Variants in PACRG observed in about 807,000 individuals in gnomAD.
The protein encoded by PACRG is parkin coregulated gene protein.
Under a neutral mutation model 29.7 loss-of-function variants are expected in PACRG, and 29 were observed. That is an observed-to-expected ratio of 0.98 (90% CI 0.73 to 1.33). The LOEUF is 1.33. Among genes scored for constraint, PACRG ranks in the 40% most tolerant of loss-of-function variants. PACRG has a pLI of 0.00. For synonymous variants in PACRG, 116 were observed against 118.7 expected, an observed-to-expected ratio of 0.98 and a Z score of 0.15; for missense variants, 279 against 316.2, an observed-to-expected ratio of 0.88 and a Z score of 0.89.
At chr6:162,886,083 C>A (rs938107698) in intron 2 of PACRG, among the ~76,000 whole-genome samples, 3 of 152,034 alleles carry the variant, frequency 2.0e-5, no homozygotes, top group Admixed American at 6.6e-5. Context: ...GATTATCATG[C>A]CCAACTAATT....
chr6:163,257,367 T>C (rs1783153803), intron 4 of PACRG, among the ~76,000 whole-genome samples: 2 of 152,140 alleles, frequency 1.3e-5, no homozygotes, highest in Admixed American at 6.5e-5. Flanking sequence ...GGAAAGACTA[T>C]ACCAGTTATC....
rs573768413 is a variant in PACRG, at chr6:162,804,108, G to A, written c.157-10039G>A. On this transcript the variant is annotated intron_variant, in intron 1 of 4. Transcript: ENST00000366888. ...AAGGACATAAAAATGTAAAAATATG[G>A]TATCTGCAGTGCTATGTTTTTGAAA... Among the ~76,000 whole-genome samples the A allele has an allele frequency of 2.4e-4, 36 of 152,216 alleles. 1 individual carries two copies. The South Asian group carries it at 4.8e-3, about 20-fold the overall frequency.
chr6:162,928,346 G>T (rs1369114974), intron 2 of PACRG, among the ~76,000 whole-genome samples: 1 of 151,730 alleles, frequency 6.6e-6, no homozygotes. Context: ...TATTTCTGTG[G>T]TCTCAGTTGT....
intron 4 of PACRG, among the ~76,000 whole-genome samples, chr6:163,199,994 T>C (rs931853399): frequency 6.6e-6 from 1 of 152,218 alleles, no homozygotes; most frequent in Non-Finnish European, 1.5e-5. Context: ...GGCACTATAG[T>C]GTATTTATCT....
chr6:163,017,344 G>A (rs776203458), intron 2 of PACRG, among the ~76,000 whole-genome samples: 1 of 152,078 alleles, frequency 6.6e-6, no homozygotes, highest in Non-Finnish European at 1.5e-5. Context: ...TGCTAACAAA[G>A]CTATTAGCAA....
At chr6:163,116,824 G>T (rs1298458004) in intron 4 of PACRG, among the ~76,000 whole-genome samples, 1 of 152,286 alleles carries the variant, frequency 6.6e-6, no homozygotes, top group East Asian at 1.9e-4. Context: ...TGACTGAGAA[G>T]CTTGGGTGTT....
At chr6:163,056,699 T>C (rs182888001) in intron 2 of PACRG, among the ~76,000 whole-genome samples, 2 of 152,254 alleles carry the variant, frequency 1.3e-5, no homozygotes, top group Admixed American at 1.3e-4. Flanking sequence ...GGTGCTCTTA[T>C]ACGAGGAGGA....
chr6:163,270,580 C>T (rs1300708150), intron 4 of PACRG, among the ~76,000 whole-genome samples: 1 of 151,974 alleles, frequency 6.6e-6, no homozygotes, highest in Non-Finnish European at 1.5e-5. Context: ...CACCATATTG[C>T]CCAGGCTGGT....
At chr6:163,098,715 T>C (rs1318272624) in intron 4 of PACRG, among the ~76,000 whole-genome samples, 1 of 152,092 alleles carries the variant, frequency 6.6e-6, no homozygotes, top group Admixed American at 6.5e-5. Flanking sequence ...ATTAAGAAAG[T>C]AAAGGAATAA....
At chr6:162,893,317 T>C (rs948145974) in intron 2 of PACRG, among the ~76,000 whole-genome samples, 5 of 152,080 alleles carry the variant, frequency 3.3e-5, no homozygotes, top group African/African-American at 9.7e-5. Context: ...TCGGCTCGAC[T>C]GGCAGTGTGG....
chr6:162,952,416 T>G (rs1280236662), intron 2 of PACRG, among the ~76,000 whole-genome samples: 3 of 152,196 alleles, frequency 2.0e-5, no homozygotes, highest in Non-Finnish European at 4.4e-5. Context: ...TAAAAGAATC[T>G]TCCATCAGAA....
chr6:162,946,803 G>A (rs544753666), intron 2 of PACRG, among the ~76,000 whole-genome samples: 8 of 152,208 alleles, frequency 5.3e-5, no homozygotes, highest in African/African-American at 1.9e-4. Context: ...TTATCCCGGG[G>A]ATGAAAGGAT....
At chr6:162,958,874 TATATATATATAGAGAGAGAG>T (rs1415731700) in intron 2 of PACRG, among the ~76,000 whole-genome samples, 58 of 44,810 alleles carry the variant, frequency 1.3e-3, no homozygotes, top group African/African-American at 3.8e-3. Flanking sequence ...TATATATATA[TATATATATATAGAGAGAGAG>T]AGAGAGAGAG....
chr6:162,945,156 A>G (rs999351734), intron 2 of PACRG, among the ~76,000 whole-genome samples: 1 of 152,184 alleles, frequency 6.6e-6, no homozygotes, highest in East Asian at 1.9e-4. Flanking sequence ...AAGCCTTCAC[A>G]TATCAATGAT....
intron 4 of PACRG, among the ~76,000 whole-genome samples, chr6:163,181,386 A>C (rs1035161111): frequency 1.3e-5 from 2 of 152,124 alleles, no homozygotes; most frequent in Non-Finnish European, 2.9e-5. Context: ...GCTCAGGGGC[A>C]GTGAAAAGCA....
intron 1 of PACRG, among the ~76,000 whole-genome samples, chr6:162,756,986 G>A (rs1189212554): frequency 6.6e-6 from 1 of 150,834 alleles, no homozygotes; most frequent in East Asian, 2.0e-4. Flanking sequence ...TTTTTTTTCT[G>A]GACTCACGAT....
At chr6:163,231,748 A>C (rs753775678) in intron 4 of PACRG, among the ~76,000 whole-genome samples, 2 of 152,164 alleles carry the variant, frequency 1.3e-5, no homozygotes, top group East Asian at 1.9e-4. Context: ...ATGAGCTTGC[A>C]TAGTTTCAGA....
At chr6:162,882,320 G>C (rs140210432) in intron 2 of PACRG, among the ~76,000 whole-genome samples, 1 of 151,458 alleles carries the variant, frequency 6.6e-6, no homozygotes, top group Admixed American at 6.6e-5. Context: ...AGACCCGGGG[G>C]CCCTCTCCAC....
intron 4 of PACRG, among the ~76,000 whole-genome samples, chr6:163,126,756 A>C (rs1243905796): frequency 2.6e-5 from 4 of 152,270 alleles, no homozygotes; most frequent in African/African-American, 4.8e-5. Context: ...GCAAAATGCC[A>C]CAGACCCAGA....
Sources: allele counts gnomAD v4.1 joint callset (sites outside exome capture counted in the v4.1 genomes callset), GRCh38; gene constraint gnomAD v4.1.1; transcripts MANE v1.5; gene names NCBI Gene and HGNC (gene_info 2026-07-23, HGNC 2026-07-21).